TRIM67: variants seen among roughly 807,000 people sequenced by gnomAD.
TRIM67 encodes the protein tripartite motif-containing protein 67.
In TRIM67, 39 loss-of-function variants were observed where a neutral mutation model predicts 71.0. The ratio of observed to expected loss-of-function variants is 0.55; its 90% CI spans 0.43 to 0.72. The LOEUF (loss-of-function observed/expected upper bound fraction) is 0.72. TRIM67 is among the 30% of genes least tolerant of loss of function. TRIM67 has a pLI of 0.00. For synonymous variants in TRIM67, 481 were observed against 473.9 expected, an observed-to-expected ratio of 1.01 and a Z score of -0.19; for missense variants, 973 against 1,079.2, an observed-to-expected ratio of 0.90 and a Z score of 1.38.
At position 231,219,232 on chromosome 1, in the gene TRIM67, GT is replaced by G; in HGVS notation, c.*3795del. On this transcript the variant is annotated 3_prime_UTR_variant, in exon 10 of 10. Coordinates refer to ENST00000366653, the MANE Select transcript of TRIM67 (RefSeq NM_001004342.5). ...CGATAGGTTCTGTATGCCGTAGGAT[GT>G]TTAGCAACATCCCTGGTCTCTACCC... The G allele has an allele frequency of 1.0e-6, 1 of 983,836 alleles. No individual in the cohort carries two copies. The highest frequency in any genetic ancestry group is 1.1e-4 in the East Asian group (1 of 8,794). 60.9% of individuals were successfully genotyped at this position (983,836 alleles called of 1,614,324 possible).
chr1:231,209,306 T>A lies in TRIM67; in HGVS notation c.2123+56T>A, dbSNP rs1442934837. ...GACACAGGTTGTTTGGGAATGAGGG[T>A]CCTGAAGACCAGTGTCCCTTCTGCT... On this transcript the variant is annotated intron_variant, in intron 8 of 9. Transcript: ENST00000366653. The surrounding 1 kb of genome is among the most constrained non-coding windows in gnomAD (Gnocchi z 4.1). 4.1e-6 allele frequency: 6 copies of A among 1,475,298 alleles called. No individual in the cohort carries two copies. The highest frequency in any genetic ancestry group is 9.0e-7 in the Non-Finnish European group (1 of 1,106,980). 91.4% of individuals were successfully genotyped at this position (1,475,298 alleles called of 1,614,324 possible). A position where few individuals can be genotyped will look rare whatever the true frequency, so the allele number is the denominator to read the frequency against.
In TRIM67 at chr1:231,209,509, G is replaced by A. The variant is rs540686721; in HGVS notation, c.2123+259G>A. 6.0e-4 allele frequency among the ~76,000 whole-genome samples: 92 copies of A among 152,326 alleles called. No individual in the cohort carries two copies. Among genetic ancestry groups the A allele is most frequent in the South Asian group, 2.5e-3 (12 of 4,830 alleles). ...TCCCAAGTTACCCAGCGGGCCACAC[G>A]GTGGTCCTCTGCTGGGATATGGAGC... On this transcript the variant is annotated intron_variant, in intron 8 of 9. Transcript: ENST00000366653. The surrounding 1 kb of genome is among the most constrained non-coding windows in gnomAD (Gnocchi z 4.1).
At chr1:231,180,456 C>G (rs574615035) in intron 1 of TRIM67, among the ~76,000 whole-genome samples, 1 of 152,122 alleles carries the variant, frequency 6.6e-6, no homozygotes, top group Non-Finnish European at 1.5e-5. Context: ...TCTTTAAGAA[C>G]AACTTCATTC....
intron 1 of TRIM67, among the ~76,000 whole-genome samples, chr1:231,189,963 C>A (rs968923892): frequency 6.6e-6 from 1 of 152,202 alleles, no homozygotes; most frequent in Non-Finnish European, 1.5e-5. Context: ...CCAGAAGGAA[C>A]CAGCCCTGCC....
chr1:231,172,493 T>A (rs536392081), intron 1 of TRIM67, among the ~76,000 whole-genome samples: 1 of 152,110 alleles, frequency 6.6e-6, no homozygotes, highest in African/African-American at 2.4e-5. Flanking sequence ...GGAGATGTGG[T>A]GTGGAGGAGA....
intron 1 of TRIM67, among the ~76,000 whole-genome samples, chr1:231,178,815 C>T (rs920976293): frequency 1.3e-5 from 2 of 152,182 alleles, no homozygotes; most frequent in Non-Finnish European, 2.9e-5. Context: ...TCCTTACACA[C>T]AAAATGCTGG....
chr1:231,214,310 C>T (rs6668210), intron 9 of TRIM67, among the ~76,000 whole-genome samples: 412 of 152,212 alleles, frequency 2.7e-3, no homozygotes, highest in Middle Eastern at 0.01. Context: ...GGGAGAAACA[C>T]GGAGGTGCCA....
Position 231,219,467 on chromosome 1 carries a change from T to C in TRIM67, c.*4027T>C. The stretch of plus-strand genomic sequence containing the variant: ...TGTGACAAAGCTGCCAGCCTTTATC[T>C]TGATACCCAAGCCCAGGATTTTCCA... On this transcript the variant is annotated 3_prime_UTR_variant, in exon 10 of 10. Transcript: ENST00000366653. The C allele has an allele frequency of 9.5e-7, 1 of 1,055,068 alleles. No homozygotes were observed. Among genetic ancestry groups the C allele is most frequent in the Non-Finnish European group, 1.1e-6 (1 of 872,952 alleles). 65.4% of individuals were successfully genotyped at this position (1,055,068 alleles called of 1,614,324 possible). A position where few individuals can be genotyped will look rare whatever the true frequency, so the allele number is the denominator to read the frequency against.
intron 1 of TRIM67, among the ~76,000 whole-genome samples, chr1:231,172,100 AC>A (rs1682632490): frequency 6.6e-6 from 1 of 151,666 alleles, no homozygotes; most frequent in South Asian, 2.1e-4. Flanking sequence ...AAACAAACAA[AC>A]CAACAAACCA....
At chr1:231,176,193 C>G (rs1682742969) in intron 1 of TRIM67, among the ~76,000 whole-genome samples, 1 of 152,160 alleles carries the variant, frequency 6.6e-6, no homozygotes, top group Non-Finnish European at 1.5e-5. Flanking sequence ...CTCCTGTAAT[C>G]CATGGGCTGT....
chr1:231,169,614 G>A (rs1025578980), intron 1 of TRIM67, among the ~76,000 whole-genome samples: 1 of 151,436 alleles, frequency 6.6e-6, no homozygotes, highest in African/African-American at 2.4e-5. Context: ...CCTGACCCCA[G>A]GTGATCCACC....
rs895004969 is a variant in TRIM67 at position 231,184,814 on chromosome 1, A to G, written c.1045-12557A>G. ...AGGGCCTTCCATGCACACCATCATT[A>G]AACCTTGAGGCAGGCCTTTGGGGTG... On this transcript the variant is annotated intron_variant, in intron 1 of 9. Coordinates refer to ENST00000366653, the MANE Select transcript of TRIM67 (RefSeq NM_001004342.5). The G allele has an allele frequency of 1.0e-5, 6 of 591,056 alleles. No individual in the cohort carries two copies. The African/African-American group carries it at 1.1e-4, about 11-fold the overall frequency. The allele number at this position is 591,056 out of a possible 1,614,324, so 36.6% of individuals were successfully genotyped here.
In TRIM67 at chr1:231,215,800, G is replaced by T; in HGVS notation, c.*360G>T. The T allele has an allele frequency of 9.5e-7, 1 of 1,050,138 alleles. No individual in the cohort carries two copies. The highest frequency in any genetic ancestry group is 1.1e-6 in the Non-Finnish European group (1 of 872,564). The allele number at this position is 1,050,138 out of a possible 1,614,324, so 65.1% of individuals were successfully genotyped here. A position where few individuals can be genotyped will look rare whatever the true frequency, so the allele number is the denominator to read the frequency against. On this transcript the variant is annotated 3_prime_UTR_variant, in exon 10 of 10. Transcript: ENST00000366653. ...TGTCTTTTTTTGGAGGGAGAGGAAG[G>T]TAGACTTTGAGACTGGCCTCCTGAG...
At chr1:231,213,564 C>CA (rs1377643844) in intron 8 of TRIM67, among the ~76,000 whole-genome samples, 1 of 152,008 alleles carries the variant, frequency 6.6e-6, no homozygotes. Context: ...CCTATCTCTA[C>CA]AAAAAACACA....
chr1:231,197,269 A>T, intron 1 of TRIM67, 102 bp from the exon 2 acceptor site: 1 of 845,578 alleles, frequency 1.2e-6, no homozygotes, highest in Non-Finnish European at 1.9e-6. Flanking sequence ...GCGTGGGATC[A>T]GTCCTATCCC....
rs907446006 is a variant in TRIM67 at position 231,217,361 on chromosome 1, C to T, written c.*1921C>T. 7 of 986,232 alleles carry T rather than the reference C, an allele frequency of 7.1e-6. No individual in the cohort carries two copies. Among genetic ancestry groups the T allele is most frequent in the African/African-American group, 1.7e-5 (1 of 57,244 alleles). The allele number at this position is 986,232 out of a possible 1,614,324, so 61.1% of individuals were successfully genotyped here. A position where few individuals can be genotyped will look rare whatever the true frequency, so the allele number is the denominator to read the frequency against. On this transcript the variant is annotated 3_prime_UTR_variant, in exon 10 of 10. Coordinates refer to ENST00000366653, the MANE Select transcript of TRIM67 (RefSeq NM_001004342.5). ...TGGGTCTCCTCCTCCCATCCCAGAG[C>T]CCTGTCCAGAGCTCTTGGTGGTGAC...
chr1:231,178,247 G>A (rs183849023), intron 1 of TRIM67, among the ~76,000 whole-genome samples: 25 of 152,318 alleles, frequency 1.6e-4, no homozygotes, highest in South Asian at 4.1e-4. Context: ...AGAACACTCT[G>A]AGTGTAAGTT....
At position 231,218,785 on chromosome 1, in the gene TRIM67, C is replaced by T. The variant is rs763577905; in HGVS notation, c.*3345C>T. 2.4e-4 allele frequency: 234 copies of T among 985,316 alleles called. No homozygotes were observed. The highest frequency in any genetic ancestry group is 2.7e-4 in the Non-Finnish European group (220 of 829,944). 61.0% of individuals were successfully genotyped at this position (985,316 alleles called of 1,614,324 possible). On this transcript the variant is annotated 3_prime_UTR_variant, in exon 10 of 10. Transcript: ENST00000366653. ...CCCACCAAGTTTGAGGAGGGTGGTG[C>T]TTTCCGGATTGAGCCTGGGCAGGCT...
rs1684087988 is a variant in TRIM67 at position 231,219,361 on chromosome 1, G to A, written c.*3921G>A. The stretch of plus-strand genomic sequence containing the variant: ...GGCCTCCACAAGTTGAGAACCACCA[G>A]GTTATGCCAGTGGTTTGTCATGCAT... On this transcript the variant is annotated 3_prime_UTR_variant, in exon 10 of 10. Transcript: ENST00000366653. 5.1e-6 allele frequency: 5 copies of A among 987,736 alleles called. No individual in the cohort carries two copies. The highest frequency in any genetic ancestry group is 6.0e-5 in the Admixed American group (1 of 16,650). The allele number at this position is 987,736 out of a possible 1,614,324, so 61.2% of individuals were successfully genotyped here. A position where few individuals can be genotyped will look rare whatever the true frequency, so the allele number is the denominator to read the frequency against.
Sources: allele counts gnomAD v4.1 joint callset (sites outside exome capture counted in the v4.1 genomes callset), GRCh38; gene constraint gnomAD v4.1.1; non-coding constraint Gnocchi (gnomAD v3.1); transcripts MANE v1.5; gene names NCBI Gene and HGNC (gene_info 2026-07-23, HGNC 2026-07-21).